BCKDHB: variants seen among roughly 807,000 people sequenced by gnomAD.
BCKDHB encodes branched chain keto acid dehydrogenase E1 subunit beta.
A neutral mutation model predicts 48.5 loss-of-function variants in BCKDHB; 41 were observed. The observed-to-expected ratio is 0.85, with a 90% CI of 0.66 to 1.10. BCKDHB has a LOEUF of 1.10. Ranked by LOEUF, BCKDHB falls within the 50% of genes least tolerant of loss-of-function variation. The probability of loss-of-function intolerance (pLI) is 0.00; values close to 1 mark genes in which losing one functional copy is unlikely to be tolerated. For missense variants in BCKDHB, 496 were observed against 494.2 expected (o/e 1.00, Z -0.03); for synonymous variants, 201 against 174.8 (o/e 1.15, Z -1.18).
At chr6:80,257,761 T>A (rs986308166) in intron 8 of BCKDHB, among the ~76,000 whole-genome samples, 1 of 151,952 alleles carries the variant, frequency 6.6e-6, no homozygotes, top group African/African-American at 2.4e-5. Context: ...CTGGTGTAAG[T>A]CCCGGAGTCC....
At chr6:80,424,501 T>G in the BCKDHB span, among the ~76,000 whole-genome samples, 1 of 152,230 alleles carries the variant, frequency 6.6e-6, no homozygotes, top group Non-Finnish European at 1.5e-5. Flanking sequence ...TTTCATTACA[T>G]AATTAATTTG....
the BCKDHB span, among the ~76,000 whole-genome samples, chr6:80,436,848 CCTT>C: frequency 6.6e-6 from 1 of 152,086 alleles, no homozygotes; most frequent in Admixed American, 6.5e-5. Context: ...AATATGTTTT[CCTT>C]TTAAGTACTG....
At chr6:80,155,864 C>CT (rs1772019621) in intron 3 of BCKDHB, among the ~76,000 whole-genome samples, 2 of 78,672 alleles carry the variant, frequency 2.5e-5, no homozygotes, top group East Asian at 7.9e-4. Flanking sequence ...TTTAGGTTTT[C>CT]TTTTTTTGAG....
At chr6:80,172,095 A>G (rs1772945956) in intron 6 of BCKDHB, among the ~76,000 whole-genome samples, 1 of 152,104 alleles carries the variant, frequency 6.6e-6, no homozygotes, top group Admixed American at 6.6e-5. Context: ...TTTGGGCTTC[A>G]TATAAATCCA....
the BCKDHB span, chr6:80,441,195 A>C: frequency 6.6e-6 from 1 of 152,196 alleles, no homozygotes; most frequent in Non-Finnish European, 1.5e-5. Context: ...TCAGGACAGA[A>C]AGAAAATAAA....
intron 8 of BCKDHB, among the ~76,000 whole-genome samples, chr6:80,243,304 G>A (rs970556425): frequency 2.6e-5 from 4 of 152,134 alleles, no homozygotes; most frequent in Non-Finnish European, 5.9e-5. Flanking sequence ...AAACCCAAAG[G>A]TAGGAGAGTC....
At chr6:80,447,772 TA>T in the BCKDHB span, among the ~76,000 whole-genome samples, 3 of 152,182 alleles carry the variant, frequency 2.0e-5, no homozygotes, top group Non-Finnish European at 2.9e-5. Context: ...TGCCATTTAT[TA>T]AACATCTTCA....
Position 80,304,768 on chromosome 6 carries a change from A to G in BCKDHB, c.1038+31547A>G, listed in dbSNP as rs527315930. ...GAATGGCAGATTGACCTAACATTAG[A>G]CATTGTATTAATATAATTTATTACA... On this transcript the variant is annotated intron_variant, in intron 9 of 9. Coordinates refer to ENST00000320393, the MANE Select transcript of BCKDHB (RefSeq NM_183050.4). Among the ~76,000 whole-genome samples, 21 of 152,284 alleles carry G rather than the reference A, an allele frequency of 1.4e-4. No individual in the cohort carries two copies. The East Asian group carries it at 3.9e-3, about 28-fold the overall frequency.
chr6:80,171,207 A>G (rs1772896085), intron 5 of BCKDHB, 75 bp from the exon 6 acceptor site: 1 of 798,874 alleles, frequency 1.3e-6, no homozygotes, highest in African/African-American at 1.7e-5. Context: ...TTATTTAAAT[A>G]TCAGCCCTTC....
At chr6:80,417,145 G>C in the BCKDHB span, among the ~76,000 whole-genome samples, 1 of 152,184 alleles carries the variant, frequency 6.6e-6, no homozygotes, top group East Asian at 1.9e-4. Context: ...TGTAAAGACT[G>C]TTTTGTCTGA....
the BCKDHB span, among the ~76,000 whole-genome samples, chr6:80,431,297 T>C: frequency 6.6e-6 from 1 of 152,222 alleles, no homozygotes; most frequent in Non-Finnish European, 1.5e-5. Flanking sequence ...GTATATTCTG[T>C]TGATTTGGGG....
the BCKDHB span, among the ~76,000 whole-genome samples, chr6:80,396,255 G>A: frequency 6.6e-6 from 1 of 152,216 alleles, no homozygotes; most frequent in South Asian, 2.1e-4. Flanking sequence ...CAAGAAAGCA[G>A]CCAGGAGGGG....
chr6:80,417,048 CAT>C, the BCKDHB span, among the ~76,000 whole-genome samples: 1 of 152,044 alleles, frequency 6.6e-6, no homozygotes, highest in Non-Finnish European at 1.5e-5. Flanking sequence ...GTGTTGGGTG[CAT>C]ATATATTTAA....
intron 9 of BCKDHB, among the ~76,000 whole-genome samples, chr6:80,314,471 C>T (rs6916405): frequency 0.38 from 57,290 of 152,150 alleles, 12,728 homozygotes; most frequent in Admixed American, 0.56. Flanking sequence ...CCACCATGCC[C>T]GCTGTCTTAG....
At chr6:80,258,824 C>T (rs1225218336) in intron 8 of BCKDHB, among the ~76,000 whole-genome samples, 1 of 151,936 alleles carries the variant, frequency 6.6e-6, no homozygotes, top group Admixed American at 6.6e-5. Context: ...AACATGAAGA[C>T]ATAAATTATA....
intron 9 of BCKDHB, among the ~76,000 whole-genome samples, chr6:80,303,752 T>A (rs1476066019): frequency 6.6e-6 from 1 of 152,002 alleles, no homozygotes; most frequent in Non-Finnish European, 1.5e-5. Context: ...GGAACTTGAG[T>A]TAAAAATTTA....
At chr6:80,406,376 T>C in the BCKDHB span, among the ~76,000 whole-genome samples, 6 of 152,234 alleles carry the variant, frequency 3.9e-5, no homozygotes, top group Non-Finnish European at 8.8e-5. Context: ...TACCCAGTAA[T>C]GGGATTGCTG....
intron 8 of BCKDHB, among the ~76,000 whole-genome samples, chr6:80,252,611 T>G (rs1776879532): frequency 1.3e-5 from 2 of 152,196 alleles, no homozygotes; most frequent in Admixed American, 1.3e-4. Flanking sequence ...TAAAGCTATT[T>G]ACTTTGCATA....
intron 8 of BCKDHB, among the ~76,000 whole-genome samples, chr6:80,249,658 G>T (rs1201299113): frequency 6.6e-6 from 1 of 152,158 alleles, no homozygotes; most frequent in African/African-American, 2.4e-5. Context: ...TACTCTTGGG[G>T]TGGAGGTAAG....
Sources: gnomAD v4.1 joint callset for allele counts (sites outside exome capture counted in the v4.1 genomes callset) on GRCh38, gnomAD v4.1.1 for gene constraint, MANE v1.5 for transcripts, NCBI Gene and HGNC (gene_info 2026-07-23, HGNC 2026-07-21) for gene names.